ZNF536: variants seen among roughly 807,000 people sequenced by gnomAD.
The protein encoded by ZNF536 is zinc finger protein 536.
A neutral mutation model predicts 84.5 loss-of-function variants in ZNF536; 13 were observed. That is an observed-to-expected ratio of 0.15 (90% CI 0.10 to 0.24). ZNF536 has a LOEUF of 0.24. Among genes scored for constraint, ZNF536 ranks in the 10% least tolerant of loss-of-function variants. The pLI is 1.00. For synonymous variants in ZNF536, 811 were observed against 742.5 expected (o/e 1.09, Z -1.50); for missense variants, 1,536 against 1,747.5 (o/e 0.88, Z 2.16).
chr19:30,449,481 G>A (rs1481884203), intron 2 of ZNF536, among the ~76,000 whole-genome samples: 1 of 152,092 alleles, frequency 6.6e-6, no homozygotes, highest in East Asian at 1.9e-4. Context: ...TTTTGCTTTG[G>A]AAATCACACT....
intron 1 of ZNF536, among the ~76,000 whole-genome samples, chr19:30,643,658 A>G (rs1743704606): frequency 6.6e-6 from 1 of 151,536 alleles, no homozygotes; most frequent in East Asian, 1.9e-4. Flanking sequence ...CAATTTCTGC[A>G]GGGGGGGGTT....
At chr19:30,440,345 C>G (rs920572424) in intron 1 of ZNF536, among the ~76,000 whole-genome samples, 1 of 152,044 alleles carries the variant, frequency 6.6e-6, no homozygotes, top group Admixed American at 6.5e-5. Flanking sequence ...CGATTCGGAT[C>G]GTAGGTGCTC....
At chr19:30,506,283 C>T (rs1225169926) in intron 2 of ZNF536, among the ~76,000 whole-genome samples, 1 of 152,162 alleles carries the variant, frequency 6.6e-6, no homozygotes, top group Non-Finnish European at 1.5e-5. Flanking sequence ...TGACTTTTCT[C>T]TATGTCCCTA....
chr19:30,490,117 C>T (rs933989954), intron 2 of ZNF536, among the ~76,000 whole-genome samples: 2 of 152,070 alleles, frequency 1.3e-5, no homozygotes, highest in African/African-American at 4.8e-5. Context: ...TGTGAACCTG[C>T]AGAGAAAAGT....
intron 1 of ZNF536, among the ~76,000 whole-genome samples, chr19:30,239,151 T>A (rs2023756839): frequency 6.6e-6 from 1 of 152,192 alleles, no homozygotes; most frequent in Non-Finnish European, 1.5e-5. Flanking sequence ...GCCCTAGTGA[T>A]GCTGTATGAA....
intron 1 of ZNF536, among the ~76,000 whole-genome samples, chr19:30,406,164 T>C (rs781588897): frequency 6.6e-6 from 1 of 152,220 alleles, no homozygotes; most frequent in Non-Finnish European, 1.5e-5. Flanking sequence ...CATTGTTCCA[T>C]GTGCAGGGCA....
At chr19:30,585,462 G>A (rs1285831223) in intron 1 of ZNF536, among the ~76,000 whole-genome samples, 2 of 152,196 alleles carry the variant, frequency 1.3e-5, no homozygotes, top group African/African-American at 4.8e-5. Context: ...TGACAAGCTC[G>A]GCTATTGATG....
chr19:30,229,428 TATA>T (rs1392439908), intron 1 of ZNF536, among the ~76,000 whole-genome samples: 1 of 152,238 alleles, frequency 6.6e-6, no homozygotes, highest in Non-Finnish European at 1.5e-5. Flanking sequence ...GTAATATTAT[TATA>T]ATGATTATTT....
chr19:30,589,102 G>C (rs1006075443), intron 1 of ZNF536, among the ~76,000 whole-genome samples: 5 of 152,124 alleles, frequency 3.3e-5, no homozygotes, highest in Admixed American at 2.0e-4. Flanking sequence ...TTAGATTTTG[G>C]TTCTCAATAG....
At chr19:30,382,014 C>T (rs1568374825) in intron 1 of ZNF536, among the ~76,000 whole-genome samples, 2 of 151,984 alleles carry the variant, frequency 1.3e-5, no homozygotes, top group African/African-American at 4.8e-5. Flanking sequence ...CTTTCCATTC[C>T]CTGGTTTAAG....
rs80193513 is a variant in ZNF536, at chr19:30,491,738, T to G, written c.2171-43109T>G. On this transcript the variant is annotated intron_variant, in intron 2 of 4. Transcript: ENST00000355537. ...AGCCTCCTGTGTCCCCCAAGCCAGT[T>G]TGGGTTGAACCAGATGCCAGGACTT... Among the ~76,000 whole-genome samples, 350 of 152,316 alleles carry G rather than the reference T, an allele frequency of 2.3e-3. 1 individual carries two copies. Among genetic ancestry groups the G allele is most frequent in the African/African-American group, 7.9e-3 (330 of 41,564 alleles).
chr19:30,643,824 A>T (rs1429224055), intron 1 of ZNF536, among the ~76,000 whole-genome samples: 8 of 152,136 alleles, frequency 5.3e-5, no homozygotes, highest in Admixed American at 6.5e-5. Context: ...CTCTTAGTGA[A>T]TATTGCTTTA....
At chr19:30,648,285 G>A (rs532460640) in intron 1 of ZNF536, among the ~76,000 whole-genome samples, 107 of 152,282 alleles carry the variant, frequency 7.0e-4, no homozygotes, top group Admixed American at 1.4e-3. Context: ...TCCTCAGATA[G>A]CACTGTTCCT....
chr19:30,684,383 C>T (rs1035599514), intron 1 of ZNF536, among the ~76,000 whole-genome samples: 2 of 152,152 alleles, frequency 1.3e-5, no homozygotes, highest in South Asian at 2.1e-4. Flanking sequence ...GTGATCCGCC[C>T]GCCTTGGCCT....
At chr19:30,675,623 A>G (rs1251374594) in intron 1 of ZNF536, among the ~76,000 whole-genome samples, 2 of 152,160 alleles carry the variant, frequency 1.3e-5, no homozygotes, top group African/African-American at 4.8e-5. Context: ...TTGAAATCTC[A>G]TCTTGAGATG....
intron 2 of ZNF536, among the ~76,000 whole-genome samples, chr19:30,460,493 T>A (rs3786812): frequency 5.9e-5 from 9 of 152,018 alleles, no homozygotes; most frequent in Non-Finnish European, 1.2e-4. Context: ...TTCTGTCCTC[T>A]CATTCTCCCA....
intron 3 of ZNF536, among the ~76,000 whole-genome samples, chr19:30,546,702 G>A (rs1287015457): frequency 6.6e-6 from 1 of 152,234 alleles, no homozygotes; most frequent in Non-Finnish European, 1.5e-5. Flanking sequence ...AACAGAGGAA[G>A]GGGAGGGGGA....
intron 1 of ZNF536, among the ~76,000 whole-genome samples, chr19:30,578,760 G>T (rs543837777): frequency 6.6e-6 from 1 of 152,222 alleles, no homozygotes; most frequent in Non-Finnish European, 1.5e-5. Flanking sequence ...ACTGCTCACC[G>T]TAGGCTTGAC....
At chr19:30,374,682 T>C (rs2048739037) in intron 1 of ZNF536, among the ~76,000 whole-genome samples, 1 of 69,674 alleles carries the variant, frequency 1.4e-5, no homozygotes, top group South Asian at 5.4e-4. Flanking sequence ...CACAACAAAC[T>C]GAGTGTTGTT....
Sources: gnomAD v4.1 joint callset for allele counts (sites outside exome capture counted in the v4.1 genomes callset) on GRCh38, gnomAD v4.1.1 for gene constraint, MANE v1.5 for transcripts, NCBI Gene and HGNC (gene_info 2026-07-23, HGNC 2026-07-21) for gene names.